The following NAV2 variants were observed in gnomAD, a reference collection of about 807,000 sequenced individuals.
The protein encoded by NAV2 is helicase, APC down-regulated 1.
NAV2 carries 54 observed loss-of-function variants against 223.2 expected under a neutral mutation model. That is an observed-to-expected ratio of 0.24 (90% CI 0.19 to 0.30). The LOEUF (loss-of-function observed/expected upper bound fraction) is 0.30, where lower values mean the gene tolerates loss of function less well. Among genes scored for constraint, NAV2 ranks in the 10% least tolerant of loss-of-function variants. The pLI, the probability that NAV2 is intolerant of heterozygous loss-of-function variation, is 1.00. For missense variants in NAV2, 2,806 were observed against 3,147.5 expected, an observed-to-expected ratio of 0.89 and a Z score of 2.60; for synonymous variants, 1,279 against 1,239.3, an observed-to-expected ratio of 1.03 and a Z score of -0.67.
At chr11:19,847,551 T>C (rs1301401660) in intron 3 of NAV2, among the ~76,000 whole-genome samples, 1 of 152,216 alleles carries the variant, frequency 6.6e-6, no homozygotes, top group Non-Finnish European at 1.5e-5. Context: ...ATTCCTTTTC[T>C]GCTATTCTGC....
intron 1 of NAV2, among the ~76,000 whole-genome samples, chr11:19,797,204 T>A (rs913548132): frequency 1.3e-5 from 2 of 151,368 alleles, no homozygotes; most frequent in African/African-American, 4.9e-5. Context: ...AGTAGATGAG[T>A]CCCCCCACTT....
chr11:20,036,139 G>A (rs1361089433), intron 12 of NAV2, 42 bp downstream of exon 12: 2 of 1,613,142 alleles, frequency 1.2e-6, no homozygotes, highest in Non-Finnish European at 1.7e-6. Context: ...AGCAGCCTCT[G>A]GCAGCAGGGA....
At chr11:19,760,980 G>A (rs1392962227) in intron 1 of NAV2, among the ~76,000 whole-genome samples, 3 of 152,138 alleles carry the variant, frequency 2.0e-5, no homozygotes, top group African/African-American at 7.2e-5. Flanking sequence ...TTCTGTTTCG[G>A]GGAATAAAGA....
At chr11:19,632,439 C>T (rs954199912) in intron 1 of NAV2, among the ~76,000 whole-genome samples, 1 of 151,828 alleles carries the variant, frequency 6.6e-6, no homozygotes, top group Non-Finnish European at 1.5e-5. Flanking sequence ...AAAGTGTTGT[C>T]TAGGTGGGAG....
At chr11:20,011,499 C>T (rs976686666) in intron 11 of NAV2, among the ~76,000 whole-genome samples, 4 of 152,124 alleles carry the variant, frequency 2.6e-5, no homozygotes, top group African/African-American at 7.2e-5. Context: ...AAATTCTTTA[C>T]ATGTATTGAT....
At chr11:19,640,520 G>C (rs2047634799) in intron 1 of NAV2, among the ~76,000 whole-genome samples, 1 of 151,980 alleles carries the variant, frequency 6.6e-6, no homozygotes, top group Non-Finnish European at 1.5e-5. Flanking sequence ...TTACTCACTT[G>C]AAGATCTTTT....
intron 1 of NAV2, among the ~76,000 whole-genome samples, chr11:19,650,948 G>GT (rs934222982): frequency 3.3e-4 from 50 of 152,282 alleles, no homozygotes; most frequent in African/African-American, 1.2e-3. Flanking sequence ...TGCGCTGGTG[G>GT]TTACAGAAGT....
intron 1 of NAV2, among the ~76,000 whole-genome samples, chr11:19,599,175 C>T (rs1459903338): frequency 2.0e-5 from 3 of 152,228 alleles, no homozygotes; most frequent in African/African-American, 7.2e-5. Flanking sequence ...TCTCTTTCCT[C>T]ATGCCCAACT....
intron 1 of NAV2, among the ~76,000 whole-genome samples, chr11:19,369,765 G>A (rs1375353019): frequency 6.6e-6 from 1 of 152,134 alleles, no homozygotes; most frequent in Non-Finnish European, 1.5e-5. Context: ...TCCTCCTGAG[G>A]TTGTTGTGAA....
chr11:20,068,710 C>T (rs1591964106), intron 22 of NAV2, among the ~76,000 whole-genome samples: 1 of 152,068 alleles, frequency 6.6e-6, no homozygotes, highest in Non-Finnish European at 1.5e-5. Context: ...TTCTCTTCCT[C>T]TTTCTGAAAA....
intron 1 of NAV2, among the ~76,000 whole-genome samples, chr11:19,786,492 G>C (rs980749233): frequency 6.6e-6 from 1 of 152,172 alleles, no homozygotes; most frequent in African/African-American, 2.4e-5. Context: ...ATAAAATGTG[G>C]GGTTGTTTAC....
At position 19,378,747 on chromosome 11, in the gene NAV2, T is replaced by C. The variant is rs1041992817; in HGVS notation, c.75+27720T>C. On this transcript the variant is annotated intron_variant, in intron 1 of 37. Transcript: ENST00000360655. ...TCTTTGATTGTCTCCTCTGAAAGAA[T>C]AGCTGATCAGCACACACACCTTAGT... Among the ~76,000 whole-genome samples, 11 of 152,210 alleles carry C rather than the reference T, an allele frequency of 7.2e-5. No individual in the cohort carries two copies. The East Asian group carries it at 1.7e-3, about 24-fold the overall frequency.
intron 1 of NAV2, among the ~76,000 whole-genome samples, chr11:19,590,026 C>T (rs2046013849): frequency 1.3e-5 from 2 of 152,064 alleles, no homozygotes; most frequent in African/African-American, 2.4e-5. Flanking sequence ...TGTGTAGGCT[C>T]AGGAACCAGC....
rs2153046861 is a variant in NAV2 at position 19,868,914 on chromosome 11, T to C, written c.439-11T>C. 5 of 1,613,294 alleles carry C rather than the reference T, an allele frequency of 3.1e-6. No homozygotes were observed. The East Asian group carries it at 1.1e-4, about 36-fold the overall frequency. ...ATTTATTAAGTATATATTGTTGTTT[T>C]TCCCTCCTAGATTGAAAACATAGAT... On this transcript the variant is annotated splice_polypyrimidine_tract_variant and intron_variant, in intron 3 of 37. Transcript: ENST00000349880.
At chr11:19,598,529 T>G (rs1397105842) in intron 1 of NAV2, among the ~76,000 whole-genome samples, 1 of 152,216 alleles carries the variant, frequency 6.6e-6, no homozygotes, top group Non-Finnish European at 1.5e-5. Context: ...AGAGCTAACA[T>G]GTGCTGGGCA....
chr11:19,647,125 A>G (rs1256777016), intron 1 of NAV2, among the ~76,000 whole-genome samples: 1 of 152,196 alleles, frequency 6.6e-6, no homozygotes, highest in East Asian at 1.9e-4. Flanking sequence ...AAGATTGTCC[A>G]GATAGATTTC....
At chr11:19,765,220 G>T (rs182318380) in intron 1 of NAV2, among the ~76,000 whole-genome samples, 1 of 152,280 alleles carries the variant, frequency 6.6e-6, no homozygotes, top group African/African-American at 2.4e-5. Flanking sequence ...CAATTCTGTA[G>T]GTCTCTATAT....
intron 1 of NAV2, among the ~76,000 whole-genome samples, chr11:19,539,054 C>G (rs1464792597): frequency 6.6e-6 from 1 of 152,166 alleles, no homozygotes; most frequent in Non-Finnish European, 1.5e-5. Flanking sequence ...TGCAAGAGCC[C>G]TCTGTCATTT....
intron 1 of NAV2, among the ~76,000 whole-genome samples, chr11:19,383,130 GCTATAGTGCACTAGCATCT>G (rs1276758933): frequency 2.6e-5 from 4 of 152,198 alleles, no homozygotes; most frequent in Admixed American, 1.3e-4. Flanking sequence ...GACAGACACT[GCTATAGTGCACTAGCATCT>G]CTATTCTCTC....
Sources: allele counts gnomAD v4.1 joint callset (sites outside exome capture counted in the v4.1 genomes callset), GRCh38; gene constraint gnomAD v4.1.1; transcripts MANE v1.5; gene names NCBI Gene and HGNC (gene_info 2026-07-23, HGNC 2026-07-21).